Variants in RIT1 observed in about 807,000 individuals in gnomAD.
RIT1 encodes GTP-binding protein Rit1.
In RIT1, 6 loss-of-function variants were observed where a neutral mutation model predicts 25.6. The ratio of observed to expected loss-of-function variants is 0.23; its 90% CI spans 0.13 to 0.46. The LOEUF (loss-of-function observed/expected upper bound fraction) is 0.46, where lower values mean the gene tolerates loss of function less well. Among genes scored for constraint, RIT1 ranks in the 20% least tolerant of loss-of-function variants. RIT1 has a pLI of 0.99. For synonymous variants in RIT1, 81 were observed against 94.1 expected (o/e 0.86, Z 0.80); for missense variants, 219 against 284.4 (o/e 0.77, Z 1.65).
intron 5 of RIT1, among the ~76,000 whole-genome samples, chr1:155,903,126 T>C (rs1171612941): frequency 6.6e-6 from 1 of 151,706 alleles, no homozygotes; most frequent in Non-Finnish European, 1.5e-5. Context: ...TGAAACCCCA[T>C]CTCACTAAAA....
chr1:155,906,509 C>T (rs1673441260), intron 3 of RIT1, among the ~76,000 whole-genome samples: 1 of 151,890 alleles, frequency 6.6e-6, no homozygotes, highest in African/African-American at 2.4e-5. Context: ...GCCTGTAATC[C>T]CAGCACTTTG....
chr1:155,906,785 G>A (rs941082451), intron 3 of RIT1, among the ~76,000 whole-genome samples: 78 of 130,762 alleles, frequency 6.0e-4, no homozygotes, highest in Admixed American at 1.1e-3. Flanking sequence ...AAAAAAAAAA[G>A]AAAAAAAGAA....
At position 155,904,528 on chromosome 1, in the gene RIT1, T is replaced by C. The variant is rs750270294; in HGVS notation, c.238-26A>G. On this transcript the variant is annotated intron_variant, in intron 4 of 5. Transcript: ENST00000368323. ...CTAGAGGGAAACAAGGGTCATTATG[T>C]ATTGACGCAATCTAGCCCAACTACA... 18 of 1,594,788 alleles carry C rather than the reference T, an allele frequency of 1.1e-5. No homozygotes were observed. In the South Asian group the frequency reaches 2.0e-4, roughly 18 times the overall value.
chr1:155,906,931 C>A (rs936466652), intron 3 of RIT1, among the ~76,000 whole-genome samples: 3 of 151,812 alleles, frequency 2.0e-5, no homozygotes, highest in Non-Finnish European at 4.4e-5. Context: ...TAGAGCGAGA[C>A]CTCATCTCTA....
chr1:155,910,373 A>G (rs1453389258), intron 3 of RIT1, 77 bp downstream of exon 3: 4 of 1,260,894 alleles, frequency 3.2e-6, no homozygotes, highest in Non-Finnish European at 4.6e-6. Flanking sequence ...CAAAATATAA[A>G]TAGTTAGAAA....
At chr1:155,911,053 C>G in intron 1 of RIT1, 190 bp downstream of exon 1, 1 of 871,902 alleles carries the variant, frequency 1.1e-6, no homozygotes, top group Non-Finnish European at 1.8e-6. Context: ...TAAAAAGATA[C>G]AAATAAATTT....
chr1:155,905,344 G>A (rs1673416610), intron 3 of RIT1, among the ~76,000 whole-genome samples: 1 of 152,002 alleles, frequency 6.6e-6, no homozygotes, highest in Non-Finnish European at 1.5e-5. Flanking sequence ...CTACAGGCGT[G>A]CTACCACCAT....
chr1:155,904,621 G>C (rs764912034), intron 4 of RIT1, 110 bp downstream of exon 4: 4 of 1,204,214 alleles, frequency 3.3e-6, no homozygotes, highest in African/African-American at 1.5e-5. Context: ...CTGAGTCAGA[G>C]TGCATGAAAA....
chr1:155,902,198 C>T (rs996900886), intron 5 of RIT1, among the ~76,000 whole-genome samples: 6 of 151,910 alleles, frequency 3.9e-5, no homozygotes, highest in South Asian at 2.1e-4. Context: ...TGTTTTTAGC[C>T]GGAAAGGATT....
intron 3 of RIT1, among the ~76,000 whole-genome samples, chr1:155,906,106 G>T (rs1217118735): frequency 6.6e-6 from 1 of 152,142 alleles, no homozygotes; most frequent in Non-Finnish European, 1.5e-5. Context: ...TGGGATTACA[G>T]GCGTGAGCCA....
At position 155,900,339 on chromosome 1, in the gene RIT1, G is replaced by T; in HGVS notation, c.*49C>A. ...ACTCAGTACTGCAGGTTACTGGACT[G>T]CTTTGATACAGCACTGCAGTTCACA... On this transcript the variant is annotated 3_prime_UTR_variant, in exon 6 of 6. Transcript: ENST00000368323. The T allele has an allele frequency of 7.3e-7, 1 of 1,377,018 alleles. No homozygotes were observed. The highest frequency in any genetic ancestry group is 1.0e-6 in the Non-Finnish European group (1 of 969,360). 85.3% of individuals were successfully genotyped at this position (1,377,018 alleles called of 1,614,324 possible). A position where few individuals can be genotyped will look rare whatever the true frequency, so the allele number is the denominator to read the frequency against.
intron 5 of RIT1, among the ~76,000 whole-genome samples, chr1:155,901,580 G>A (rs1447325720): frequency 6.6e-6 from 1 of 152,098 alleles, no homozygotes; most frequent in East Asian, 1.9e-4. Context: ...GGAGGTTACA[G>A]TGAGCCAAGA....
At chr1:155,904,698 A>G (rs374796711) in intron 4 of RIT1, 33 bp downstream of exon 4, 9 of 1,502,874 alleles carry the variant, frequency 6.0e-6, no homozygotes, top group African/African-American at 1.4e-5. Context: ...AGAGTAAAAA[A>G]GCCTTTACTC....
Position 155,900,362 on chromosome 1 carries a change from A to G in RIT1, c.*26T>C. The G allele has an allele frequency of 6.4e-7, 1 of 1,564,194 alleles. No individual in the cohort carries two copies. ...CTGCTTTGATACAGCACTGCAGTTC[A>G]CAGATAAACACTTCACATCTTCTCT... On this transcript the variant is annotated 3_prime_UTR_variant, in exon 6 of 6. Coordinates refer to ENST00000368323, the MANE Select transcript of RIT1 (RefSeq NM_006912.6).
At position 155,904,639 on chromosome 1, in the gene RIT1, G is replaced by A. The variant is rs1338747105; in HGVS notation, c.237+92C>T. The A allele has an allele frequency of 3.3e-6, 4 of 1,224,348 alleles. No individual in the cohort carries two copies. In the African/African-American group the frequency reaches 4.5e-5, roughly 14 times the overall value. 75.8% of individuals were successfully genotyped at this position (1,224,348 alleles called of 1,614,324 possible). A position where few individuals can be genotyped will look rare whatever the true frequency, so the allele number is the denominator to read the frequency against. On this transcript the variant is annotated intron_variant, in intron 4 of 5. Transcript: ENST00000368323. ...AGTCAGAGTGCATGAAAAATTAAGAGAGATAAACTATTGATCTTCTCTGTG... is the reference window on the plus strand; with the variant it reads ...AGTCAGAGTGCATGAAAAATTAAGAAAGATAAACTATTGATCTTCTCTGTG...
Position 155,898,549 on chromosome 1 carries a change from TAA to T in RIT1, c.*1837_*1838del, listed in dbSNP as rs1415295542. 3 of 114,036 alleles carry T rather than the reference TAA, an allele frequency of 2.6e-5. No individual in the cohort carries two copies. Among genetic ancestry groups the T allele is most frequent in the Non-Finnish European group, 5.5e-5 (3 of 54,344 alleles). The allele number at this position is 114,036 out of a possible 1,614,324, so 7.1% of individuals were successfully genotyped here. The stretch of plus-strand genomic sequence containing the variant: ...TATATATATATATATATATATCTCT[TAA>T]TGTTAATAACAATTCCCTAGGTCAC... On this transcript the variant is annotated 3_prime_UTR_variant, in exon 6 of 6. Coordinates refer to ENST00000368323, the MANE Select transcript of RIT1 (RefSeq NM_006912.6).
intron 5 of RIT1, among the ~76,000 whole-genome samples, chr1:155,901,687 A>C (rs1673315728): frequency 6.6e-6 from 1 of 151,848 alleles, no homozygotes; most frequent in Admixed American, 6.6e-5. Context: ...ATGTGGTGGT[A>C]TACACCTGTG....
intron 3 of RIT1, among the ~76,000 whole-genome samples, chr1:155,906,098 G>A (rs1293042923): frequency 6.6e-6 from 1 of 152,008 alleles, no homozygotes; most frequent in Non-Finnish European, 1.5e-5. Context: ...CAAAGTGTTG[G>A]GATTACAGGC....
rs1571999106 is a variant in RIT1, at chr1:155,910,244, G to C, written c.163+206C>G. ...GTTGTCCCATTAATGTTCAGTAAGA[G>C]ACAAAGACTAAAGATGGCTTATGAC... On this transcript the variant is annotated intron_variant, in intron 3 of 5. Coordinates refer to ENST00000368323, the MANE Select transcript of RIT1 (RefSeq NM_006912.6). 6 of 570,052 alleles carry C rather than the reference G, an allele frequency of 1.1e-5. No individual in the cohort carries two copies. In the East Asian group the frequency reaches 1.8e-4, roughly 17 times the overall value. The allele number at this position is 570,052 out of a possible 1,614,324, so 35.3% of individuals were successfully genotyped here.
Sources: gnomAD v4.1 joint callset for allele counts (sites outside exome capture counted in the v4.1 genomes callset) on GRCh38, gnomAD v4.1.1 for gene constraint, MANE v1.5 for transcripts, NCBI Gene and HGNC (gene_info 2026-07-23, HGNC 2026-07-21) for gene names.